Variants in ABHD13 observed in about 807,000 individuals in gnomAD.
ABHD13 encodes the protein abhydrolase domain containing 13, also known as protein ABHD13.
In ABHD13, 7 loss-of-function variants were observed where a neutral mutation model predicts 25.2. That is an observed-to-expected ratio of 0.28 (90% CI 0.16 to 0.52). The LOEUF (loss-of-function observed/expected upper bound fraction) is 0.52, where lower values mean the gene tolerates loss of function less well. ABHD13 is among the 20% of genes least tolerant of loss of function. The pLI is 0.96. For synonymous variants in ABHD13, 133 were observed against 136.1 expected (o/e 0.98, Z 0.16); for missense variants, 302 against 402.7 (o/e 0.75, Z 2.14).
rs1279085368 is a variant in ABHD13, at chr13:108,234,229, A to T, written c.*3997A>T. The T allele has an allele frequency of 6.0e-6, 1 of 166,798 alleles. No individual in the cohort carries two copies. Among genetic ancestry groups the T allele is most frequent in the Non-Finnish European group, 1.5e-5 (1 of 68,020 alleles). 10.3% of individuals were successfully genotyped at this position (166,798 alleles called of 1,614,324 possible). On this transcript the variant is annotated 3_prime_UTR_variant, in exon 2 of 2. Coordinates refer to ENST00000375898, the MANE Select transcript of ABHD13 (RefSeq NM_032859.3). ...GTACTGACATATGCAATAAATTGGTACATTAAAAATTTGATTAATGTCTTC... is the reference window on the plus strand; with the variant it reads ...GTACTGACATATGCAATAAATTGGTTCATTAAAAATTTGATTAATGTCTTC...
Position 108,230,420 on chromosome 13 carries a change from C to G in ABHD13, c.*188C>G. On this transcript the variant is annotated 3_prime_UTR_variant, in exon 2 of 2. Coordinates refer to ENST00000375898, the MANE Select transcript of ABHD13 (RefSeq NM_032859.3). The stretch of plus-strand genomic sequence containing the variant: ...GAAAAACTAATTCTTGGGATTCTTT[C>G]ATACATTTTCATCAAAACTTTCAGT... 1 of 536,702 alleles carries G rather than the reference C, an allele frequency of 1.9e-6. No homozygotes were observed. Among genetic ancestry groups the G allele is most frequent in the East Asian group, 3.2e-5 (1 of 31,142 alleles). The allele number at this position is 536,702 out of a possible 1,614,324, so 33.2% of individuals were successfully genotyped here. A position where few individuals can be genotyped will look rare whatever the true frequency, so the allele number is the denominator to read the frequency against.
At chr13:108,224,319 G>C (rs1034270496) in intron 1 of ABHD13, among the ~76,000 whole-genome samples, 1 of 152,168 alleles carries the variant, frequency 6.6e-6, no homozygotes, top group African/African-American at 2.4e-5. Context: ...AGTATACTAG[G>C]ATGCATTGGA....
Position 108,229,139 on chromosome 13 carries a change from T to C in ABHD13, c.-20-60T>C. The C allele has an allele frequency of 7.7e-7, 1 of 1,306,170 alleles. No homozygotes were observed. The highest frequency in any genetic ancestry group is 1.0e-6 in the Non-Finnish European group (1 of 953,312). The allele number at this position is 1,306,170 out of a possible 1,614,324, so 80.9% of individuals were successfully genotyped here. A position where few individuals can be genotyped will look rare whatever the true frequency, so the allele number is the denominator to read the frequency against. On this transcript the variant is annotated intron_variant, in intron 1 of 1. Transcript: ENST00000375898. The surrounding 1 kb of genome is among the most constrained non-coding windows in gnomAD (Gnocchi z 4.7). ...CCTAGTACCATAGTTTATTATATTG[T>C]GGATTTTTAAAAGAATAGATAGACG...
rs1280146145 is a variant in ABHD13 at position 108,229,493 on chromosome 13, G to T, written c.275G>T (p.Arg92Ile). The change falls in exon 2 of 2, where the codon AGA becomes ATA. Residue 92 changes from arginine (R) to isoleucine (I), a missense_variant. Coordinates refer to ENST00000375898, the MANE Select transcript of ABHD13 (RefSeq NM_032859.3). The surrounding 1 kb of genome is among the most constrained non-coding windows in gnomAD (Gnocchi z 4.7). ...ATTCCACATGAAAACATTTTCATCA[G>T]AACCAAAGATGGAATACGTCTGAAT... ...TGIPHENIFIRTKDGIRLNLI... is the reference protein window; with the variant it reads ...TGIPHENIFIITKDGIRLNLI... The T allele has an allele frequency of 3.7e-6, 6 of 1,613,448 alleles. No individual in the cohort carries two copies. Among genetic ancestry groups the T allele is most frequent in the Non-Finnish European group, 5.1e-6 (6 of 1,179,592 alleles).
intron 1 of ABHD13, among the ~76,000 whole-genome samples, chr13:108,219,371 T>C (rs1237146958): frequency 2.6e-5 from 4 of 152,206 alleles, no homozygotes; most frequent in Non-Finnish European, 5.9e-5. Flanking sequence ...CTTATTTATG[T>C]TTACTATGTG....
rs535346427 is a variant in ABHD13 at position 108,232,999 on chromosome 13, A to G, written c.*2767A>G. On this transcript the variant is annotated 3_prime_UTR_variant, in exon 2 of 2. Coordinates refer to ENST00000375898, the MANE Select transcript of ABHD13 (RefSeq NM_032859.3). ...GAAATCATGCAAAACATTTGAATGCAAAGCATTTCTAACAAAAAGTGACTG... is the reference window on the plus strand; with the variant it reads ...GAAATCATGCAAAACATTTGAATGCGAAGCATTTCTAACAAAAAGTGACTG... The G allele has an allele frequency of 4.0e-4, 67 of 167,072 alleles. No individual in the cohort carries two copies. The highest frequency in any genetic ancestry group is 8.4e-4 in the Non-Finnish European group (57 of 68,006). The allele number at this position is 167,072 out of a possible 1,614,324, so 10.3% of individuals were successfully genotyped here.
chr13:108,221,218 A>T (rs1210542900), intron 1 of ABHD13, among the ~76,000 whole-genome samples: 2 of 152,244 alleles, frequency 1.3e-5, no homozygotes, highest in African/African-American at 4.8e-5. Context: ...AGGACTATTA[A>T]TACACACTTT....
At chr13:108,227,944 A>T (rs529934310) in intron 1 of ABHD13, among the ~76,000 whole-genome samples, 1 of 152,156 alleles carries the variant, frequency 6.6e-6, no homozygotes, top group East Asian at 1.9e-4. Flanking sequence ...GTAAAAGTCT[A>T]TGTTTAGTGA....
intron 1 of ABHD13, among the ~76,000 whole-genome samples, chr13:108,219,299 A>G (rs1409693444): frequency 5.3e-5 from 8 of 152,178 alleles, no homozygotes; most frequent in African/African-American, 9.7e-5. Context: ...AGTAAAATGA[A>G]TTACTAGTAT....
In ABHD13 at chr13:108,231,057, G is replaced by C. The variant is rs148022496; in HGVS notation, c.*825G>C. On this transcript the variant is annotated 3_prime_UTR_variant, in exon 2 of 2. Transcript: ENST00000375898. ...GGCAAAGAGAATTTTAGCTTCTATC[G>C]ATTTTGTAAGTCTTCAGCTGAACCA... is the stretch of plus-strand genomic sequence containing the variant. 3.6e-5 allele frequency: 6 copies of C among 166,612 alleles called. No individual in the cohort carries two copies. Among genetic ancestry groups the C allele is most frequent in the African/African-American group, 1.4e-4 (6 of 41,380 alleles). 10.3% of individuals were successfully genotyped at this position (166,612 alleles called of 1,614,324 possible). A position where few individuals can be genotyped will look rare whatever the true frequency, so the allele number is the denominator to read the frequency against.
intron 1 of ABHD13, among the ~76,000 whole-genome samples, chr13:108,225,735 G>A (rs1483955346): frequency 6.6e-6 from 1 of 152,044 alleles, no homozygotes; most frequent in African/African-American, 2.4e-5. Context: ...GGACTGTCAG[G>A]TATTCATTTA....
chr13:108,228,773 C>G (rs1321287045), intron 1 of ABHD13, among the ~76,000 whole-genome samples: 2 of 151,724 alleles, frequency 1.3e-5, no homozygotes, highest in East Asian at 3.9e-4. Context: ...AGATGTACCA[C>G]AATCTCTAGA....
At chr13:108,224,541 A>G (rs187925401) in intron 1 of ABHD13, among the ~76,000 whole-genome samples, 73 of 152,332 alleles carry the variant, frequency 4.8e-4, no homozygotes, top group African/African-American at 1.5e-3. Context: ...TTCCTTAAAA[A>G]TGGAACCATT....
At chr13:108,221,842 CT>C (rs36025260) in intron 1 of ABHD13, among the ~76,000 whole-genome samples, 9,002 of 144,806 alleles carry the variant, frequency 0.062, 239 homozygotes, top group East Asian at 0.13. Flanking sequence ...ACAATGTACA[CT>C]TTTTTTTTTT....
chr13:108,224,592 AG>A (rs1460601384), intron 1 of ABHD13, among the ~76,000 whole-genome samples: 1 of 152,226 alleles, frequency 6.6e-6, no homozygotes, highest in Non-Finnish European at 1.5e-5. Context: ...AGTAGACATC[AG>A]AGAAGCATGG....
intron 1 of ABHD13, among the ~76,000 whole-genome samples, chr13:108,219,690 G>A (rs1187032543): frequency 6.6e-6 from 1 of 152,160 alleles, no homozygotes; most frequent in African/African-American, 2.4e-5. Flanking sequence ...TGAATAGGAC[G>A]AGGTCTCTGT....
chr13:108,221,525 G>A (rs1228695867), intron 1 of ABHD13, among the ~76,000 whole-genome samples: 3 of 152,124 alleles, frequency 2.0e-5, no homozygotes, highest in African/African-American at 7.2e-5. Flanking sequence ...ATTGACACAC[G>A]AACTCCCTTT....
Position 108,230,351 on chromosome 13 carries a change from A to T in ABHD13, c.*119A>T. 1.2e-6 allele frequency: 1 copy of T among 810,680 alleles called. No individual in the cohort carries two copies. The highest frequency in any genetic ancestry group is 1.7e-5 in the African/African-American group (1 of 57,264). 50.2% of individuals were successfully genotyped at this position (810,680 alleles called of 1,614,324 possible). A position where few individuals can be genotyped will look rare whatever the true frequency, so the allele number is the denominator to read the frequency against. The stretch of plus-strand genomic sequence containing the variant: ...AAGAGTGACATTAAACTTTGAAAGG[A>T]CTTCACTGCTCCTTTACGATATTCC... On this transcript the variant is annotated 3_prime_UTR_variant, in exon 2 of 2. Transcript: ENST00000375898.
chr13:108,223,192 A>G (rs929184379), intron 1 of ABHD13, among the ~76,000 whole-genome samples: 1 of 152,218 alleles, frequency 6.6e-6, no homozygotes, highest in Non-Finnish European at 1.5e-5. Context: ...CCAAATGGTG[A>G]CATGTTTAAT....
Sources: gnomAD v4.1 joint callset for allele counts (sites outside exome capture counted in the v4.1 genomes callset) on GRCh38, gnomAD v4.1.1 for gene constraint, Gnocchi (gnomAD v3.1) non-coding constraint, MANE v1.5 for transcripts, NCBI Gene and HGNC (gene_info 2026-07-23, HGNC 2026-07-21) for gene names.